Variants in ZZZ3 observed in about 807,000 individuals in gnomAD.
The protein encoded by ZZZ3 is zinc finger ZZ-type containing 3.
Under a neutral mutation model 95.2 loss-of-function variants are expected in ZZZ3, and 22 were observed. The ratio of observed to expected loss-of-function variants is 0.23; its 90% CI spans 0.17 to 0.33. ZZZ3 has a LOEUF of 0.33. ZZZ3 is among the 10% of genes least tolerant of loss of function. The pLI is 1.00. For synonymous variants in ZZZ3, 335 were observed against 358.9 expected, an observed-to-expected ratio of 0.93 and a Z score of 0.75; for missense variants, 885 against 1,066.5, an observed-to-expected ratio of 0.83 and a Z score of 2.37.
intron 1 of ZZZ3, among the ~76,000 whole-genome samples, chr1:77,662,874 G>A (rs1306815955): frequency 6.6e-6 from 1 of 152,172 alleles, no homozygotes; most frequent in African/African-American, 2.4e-5. Context: ...GGAGGCCAAG[G>A]CAGGAGGATC....
Position 77,641,613 on chromosome 1 carries a change from AG to A in ZZZ3, c.-361del, listed in dbSNP as rs1306161027. ...ATTGTCCATGTTACACTGAGACTTC[AG>A]GTATTATTTATTTATATGGTTGTAC... On this transcript the variant is annotated 5_prime_UTR_variant, in exon 2 of 15. Transcript: ENST00000370801. The A allele has an allele frequency of 7.5e-6, 3 of 398,060 alleles. No individual in the cohort carries two copies. Among genetic ancestry groups the A allele is most frequent in the African/African-American group, 4.1e-5 (2 of 48,604 alleles). The allele number at this position is 398,060 out of a possible 1,614,324, so 24.7% of individuals were successfully genotyped here. A position where few individuals can be genotyped will look rare whatever the true frequency, so the allele number is the denominator to read the frequency against.
intron 1 of ZZZ3, chr1:77,677,179 A>T (rs1223257956): frequency 6.6e-6 from 1 of 152,110 alleles, no homozygotes; most frequent in African/African-American, 2.4e-5. Flanking sequence ...TCTCTACAAA[A>T]ATACAAAAAT....
At chr1:77,594,045 T>C (rs1663976882) in intron 5 of ZZZ3, among the ~76,000 whole-genome samples, 1 of 152,184 alleles carries the variant, frequency 6.6e-6, no homozygotes, top group Non-Finnish European at 1.5e-5. Context: ...TGGATTCCAT[T>C]TATGTTGTAT....
At position 77,586,559 on chromosome 1, in the gene ZZZ3, T is replaced by C. The variant is rs374910000; in HGVS notation, c.1506-1904A>G. Among the ~76,000 whole-genome samples the C allele has an allele frequency of 2.7e-4, 41 of 152,272 alleles. No homozygotes were observed. The East Asian group carries it at 5.8e-3, about 21-fold the overall frequency. Reference sequence around the variant, plus strand: ...TGAAGCCAACAAATTACCACAATTTTACAGTATGTAAATTTTTCCACAATA... The same window carrying C: ...TGAAGCCAACAAATTACCACAATTTCACAGTATGTAAATTTTTCCACAATA... On this transcript the variant is annotated intron_variant, in intron 5 of 14. Coordinates refer to ENST00000370801, the MANE Select transcript of ZZZ3 (RefSeq NM_015534.6).
At chr1:77,631,781 G>A (rs560514871) in intron 5 of ZZZ3, 69 bp downstream of exon 5, 89 of 1,276,610 alleles carry the variant, frequency 7.0e-5, no homozygotes, top group East Asian at 2.1e-4. Flanking sequence ...AAAACACTAC[G>A]AATAGATACT....
chr1:77,668,841 A>C (rs916463204), intron 1 of ZZZ3, among the ~76,000 whole-genome samples: 2 of 152,158 alleles, frequency 1.3e-5, no homozygotes, highest in African/African-American at 4.8e-5. Context: ...GTTGGTAAGA[A>C]TCAATTTCAT....
intron 11 of ZZZ3, among the ~76,000 whole-genome samples, chr1:77,577,784 C>T (rs1459527408): frequency 1.3e-5 from 2 of 152,132 alleles, no homozygotes; most frequent in Non-Finnish European, 2.9e-5. Flanking sequence ...CCACACCCGG[C>T]TAATTTTTGT....
intron 1 of ZZZ3, chr1:77,676,918 G>A (rs188557295): frequency 1.3e-5 from 2 of 152,296 alleles, no homozygotes; most frequent in Non-Finnish European, 2.9e-5. Context: ...ACCAATGCCA[G>A]ATGAGGTAAA....
intron 5 of ZZZ3, among the ~76,000 whole-genome samples, chr1:77,616,588 G>A (rs1034522843): frequency 4.1e-4 from 62 of 152,310 alleles, no homozygotes; most frequent in Middle Eastern, 3.4e-3. Flanking sequence ...TTGTCAGCCG[G>A]GCGCGGAGGC....
Position 77,584,662 on chromosome 1 carries a change from A to C in ZZZ3, c.1506-7T>G. ...CTGTAATAGTCTCTGATAACTACAGAGACAAAGAAAAATATTTCACAAAAA... is the reference window on the plus strand; with the variant it reads ...CTGTAATAGTCTCTGATAACTACAGCGACAAAGAAAAATATTTCACAAAAA... On this transcript the variant is annotated splice_region_variant and splice_polypyrimidine_tract_variant and intron_variant, in intron 5 of 14. Coordinates refer to ENST00000370801, the MANE Select transcript of ZZZ3 (RefSeq NM_015534.6). 6.5e-7 allele frequency: 1 copy of C among 1,542,842 alleles called. No individual in the cohort carries two copies. The highest frequency in any genetic ancestry group is 8.7e-7 in the Non-Finnish European group (1 of 1,151,738).
chr1:77,580,941 T>C (rs1662450453), intron 9 of ZZZ3, 57 bp downstream of exon 9: 1 of 1,448,044 alleles, frequency 6.9e-7, no homozygotes, highest in African/African-American at 1.4e-5. Context: ...ATACTGACTC[T>C]GATGTTAACT....
chr1:77,574,363 G>A (rs1661721192), intron 12 of ZZZ3, among the ~76,000 whole-genome samples: 2 of 151,972 alleles, frequency 1.3e-5, no homozygotes, highest in East Asian at 1.9e-4. Flanking sequence ...GCAGAAAGGA[G>A]ATACATATTT....
intron 5 of ZZZ3, among the ~76,000 whole-genome samples, chr1:77,617,901 C>T (rs1666471647): frequency 6.6e-6 from 1 of 151,994 alleles, no homozygotes; most frequent in Admixed American, 6.6e-5. Flanking sequence ...AACAAGATTG[C>T]ACCACTGCAC....
chr1:77,575,929 A>G (rs1195765421), intron 12 of ZZZ3, 139 bp downstream of exon 12: 1 of 635,870 alleles, frequency 1.6e-6, no homozygotes. Flanking sequence ...TTTTCCTCAC[A>G]AAAGTACATT....
At chr1:77,680,516 C>T (rs956937930) in intron 1 of ZZZ3, among the ~76,000 whole-genome samples, 9 of 152,166 alleles carry the variant, frequency 5.9e-5, no homozygotes, top group African/African-American at 1.9e-4. Context: ...AACAAAAAAC[C>T]ACATTGCCCA....
rs1668784099 is a variant in ZZZ3 at position 77,641,615 on chromosome 1, G to GT, written c.-363dup. On this transcript the variant is annotated 5_prime_UTR_variant, in exon 2 of 15. Coordinates refer to ENST00000370801, the MANE Select transcript of ZZZ3 (RefSeq NM_015534.6). ...TGTCCATGTTACACTGAGACTTCAG[G>GT]TATTATTTATTTATATGGTTGTACT... 5.0e-6 allele frequency: 2 copies of GT among 397,988 alleles called. No homozygotes were observed. The highest frequency in any genetic ancestry group is 2.5e-4 in the South Asian group (2 of 7,852). The allele number at this position is 397,988 out of a possible 1,614,324, so 24.7% of individuals were successfully genotyped here.
intron 1 of ZZZ3, among the ~76,000 whole-genome samples, chr1:77,661,281 C>T (rs1449710611): frequency 6.6e-6 from 1 of 151,958 alleles, no homozygotes; most frequent in Non-Finnish European, 1.5e-5. Context: ...GGCAGAGTGT[C>T]GGGTAACTGT....
intron 1 of ZZZ3, among the ~76,000 whole-genome samples, chr1:77,643,769 A>G (rs1294449522): frequency 6.6e-6 from 1 of 152,242 alleles, no homozygotes; most frequent in Non-Finnish European, 1.5e-5. Context: ...CTAGTGATAT[A>G]ACCAGGGTAT....
At chr1:77,614,426 C>T (rs908793323) in intron 5 of ZZZ3, among the ~76,000 whole-genome samples, 1 of 152,210 alleles carries the variant, frequency 6.6e-6, no homozygotes, top group African/African-American at 2.4e-5. Flanking sequence ...CCCCCATTAA[C>T]GTCTCTTGAT....
Sources: allele counts gnomAD v4.1 joint callset (sites outside exome capture counted in the v4.1 genomes callset), GRCh38; gene constraint gnomAD v4.1.1; transcripts MANE v1.5; gene names NCBI Gene and HGNC (gene_info 2026-07-23, HGNC 2026-07-21).